The following PCSK5 variants were observed in gnomAD, a reference collection of about 807,000 sequenced individuals.
PCSK5 encodes the protein proprotein convertase subtilisin/kexin type 5, also known as prohormone convertase 5.
A neutral mutation model predicts 233.2 loss-of-function variants in PCSK5; 129 were observed. That is an observed-to-expected ratio of 0.55 (90% CI 0.48 to 0.64). PCSK5 has a LOEUF of 0.64. Ranked by LOEUF, PCSK5 falls within the 30% of genes least tolerant of loss-of-function variation. The probability of loss-of-function intolerance (pLI) is 0.00; values close to 1 mark genes in which losing one functional copy is unlikely to be tolerated. For synonymous variants in PCSK5, 825 were observed against 879.2 expected, an observed-to-expected ratio of 0.94 and a Z score of 1.09; for missense variants, 2,076 against 2,430.1, an observed-to-expected ratio of 0.85 and a Z score of 3.06.
intron 3 of PCSK5, among the ~76,000 whole-genome samples, chr9:76,020,944 T>A (rs1409276847): frequency 6.6e-6 from 1 of 152,122 alleles, no homozygotes; most frequent in Non-Finnish European, 1.5e-5. Context: ...CCTGTCAAGG[T>A]TGCTTTGTGT....
chr9:76,273,564 A>AATATATATAT lies in PCSK5; in HGVS notation c.3143-18667_3143-18658dup, dbSNP rs1336491411. 7.0e-3 allele frequency among the ~76,000 whole-genome samples: 525 copies of AATATATATAT among 74,776 alleles called. 12 individuals are homozygous for AATATATATAT. The highest frequency in any genetic ancestry group is 0.011 in the African/African-American group (214 of 19,756). 49.1% of individuals were successfully genotyped at this position (74,776 alleles called of 152,430 possible). On this transcript the variant is annotated intron_variant, in intron 24 of 37. Transcript: ENST00000674117. Reference sequence around the variant, plus strand: ...TCTTCTTATAGATTAACAAAATAGTAATATATATATACATATATATATATA... The same window carrying AATATATATAT: ...TCTTCTTATAGATTAACAAAATAGTAATATATATATATATATATATACATATATATATATA...
intron 20 of PCSK5, among the ~76,000 whole-genome samples, chr9:76,202,370 A>G (rs952825513): frequency 6.6e-6 from 1 of 152,096 alleles, no homozygotes; most frequent in Non-Finnish European, 1.5e-5. Context: ...CTTCATCTTC[A>G]TCTCCTATTC....
intron 2 of PCSK5, among the ~76,000 whole-genome samples, chr9:75,942,071 A>G (rs1824332191): frequency 6.6e-6 from 1 of 152,344 alleles, no homozygotes; most frequent in South Asian, 2.1e-4. Context: ...AGTGCAGGTA[A>G]CATGAGTGAG....
At chr9:76,156,897 T>C (rs868070590) in intron 10 of PCSK5, 148 bp from the exon 11 acceptor site, 3 of 655,302 alleles carry the variant, frequency 4.6e-6, no homozygotes, top group African/African-American at 1.8e-5. Context: ...GACATGACTA[T>C]GTATTTGTTT....
At position 76,327,994 on chromosome 9, in the gene PCSK5, C is replaced by T. The variant is rs116791532; in HGVS notation, c.4340-15C>T. Reference sequence around the variant, plus strand: ...GCTCTCGCTCACTCTGTCTGCTGCCCCTCCACGCCCACAGATTGCCACAAG... The same window carrying T: ...GCTCTCGCTCACTCTGTCTGCTGCCTCTCCACGCCCACAGATTGCCACAAG... On this transcript the variant is annotated splice_polypyrimidine_tract_variant and intron_variant, in intron 32 of 37. Transcript: ENST00000674117. 864 of 1,556,306 alleles carry T rather than the reference C, an allele frequency of 5.6e-4. 4 individuals are homozygous for T. In the African/African-American group the frequency reaches 0.01, roughly 18 times the overall value.
chr9:76,077,023 G>A (rs1352638840), intron 7 of PCSK5, among the ~76,000 whole-genome samples: 1 of 152,106 alleles, frequency 6.6e-6, no homozygotes, highest in African/African-American at 2.4e-5. Context: ...CAAAAGATAG[G>A]TACTGTTTTT....
chr9:76,263,449 T>TA (rs1358122413), intron 24 of PCSK5, among the ~76,000 whole-genome samples: 4 of 152,086 alleles, frequency 2.6e-5, no homozygotes, highest in African/African-American at 2.4e-5. Flanking sequence ...TATAAAGCCA[T>TA]AAAAAATGAC....
chr9:76,107,721 G>C (rs1400447757), intron 9 of PCSK5, among the ~76,000 whole-genome samples: 2 of 152,160 alleles, frequency 1.3e-5, no homozygotes, highest in African/African-American at 2.4e-5. Flanking sequence ...TCTGAAGCAT[G>C]ACTAGGCAGC....
chr9:76,125,538 C>T (rs1218516772), intron 9 of PCSK5, among the ~76,000 whole-genome samples: 2 of 152,200 alleles, frequency 1.3e-5, no homozygotes, highest in African/African-American at 4.8e-5. Context: ...GTATTTGTCT[C>T]ACAGGACTGT....
At position 76,205,336 on chromosome 9, in the gene PCSK5, C is replaced by A; in HGVS notation, c.2626+15590C>A. 3 of 477,726 alleles carry A rather than the reference C, an allele frequency of 6.3e-6. No individual in the cohort carries two copies. In the Admixed American group the frequency reaches 6.6e-5, roughly 10 times the overall value. The allele number at this position is 477,726 out of a possible 1,614,324, so 29.6% of individuals were successfully genotyped here. ...CACAGAACACAGCGTGAGGAGGTGG[C>A]GAGACATTCGCAGACCATAGAGGGC... On this transcript the variant is annotated intron_variant, in intron 20 of 37. Transcript: ENST00000674117.
Position 76,308,676 on chromosome 9 carries a change from T to G in PCSK5, c.3636T>G (p.Ser1212=). The change falls in exon 29 of 38, where the codon TCT becomes TCG. Residue 1212 remains serine (S), a synonymous_variant. Coordinates refer to ENST00000674117, the MANE Select transcript of PCSK5 (RefSeq NM_001372043.1). ...DILRKLQPCH[S]SCKTCNGSAT... ...TGAGAAAACTCCAGCCTTGTCATTC[T>G]TCTTGTAAAACCTGCAATGGATCTG... 2 of 1,610,220 alleles carry G rather than the reference T, an allele frequency of 1.2e-6. No individual in the cohort carries two copies. The highest frequency in any genetic ancestry group is 1.7e-6 in the Non-Finnish European group (2 of 1,177,488).
intron 17 of PCSK5, 26 bp from the exon 18 acceptor site, chr9:76,188,552 T>G (rs2131237509): frequency 1.3e-6 from 2 of 1,522,564 alleles, no homozygotes. Context: ...ACAGTCTGTT[T>G]GAAGCTCCCT....
intron 2 of PCSK5, among the ~76,000 whole-genome samples, chr9:75,980,553 G>C (rs1826229234): frequency 2.0e-5 from 3 of 152,160 alleles, no homozygotes; most frequent in Admixed American, 2.0e-4. Context: ...CAAAAGTAAG[G>C]CTTTATTTGG....
At chr9:75,906,225 AG>A (rs897092326) in intron 1 of PCSK5, among the ~76,000 whole-genome samples, 9 of 152,206 alleles carry the variant, frequency 5.9e-5, no homozygotes, top group African/African-American at 2.2e-4. Flanking sequence ...ACACTTGAGC[AG>A]ATACCTATTT....
chr9:76,004,135 C>T (rs1827379278), intron 3 of PCSK5, among the ~76,000 whole-genome samples: 1 of 152,076 alleles, frequency 6.6e-6, no homozygotes, highest in African/African-American at 2.4e-5. Flanking sequence ...AGAAGAGCTC[C>T]TCTGCCTTAT....
At chr9:75,920,275 C>G (rs1267220458) in intron 1 of PCSK5, among the ~76,000 whole-genome samples, 1 of 152,138 alleles carries the variant, frequency 6.6e-6, no homozygotes, top group Admixed American at 6.5e-5. Flanking sequence ...CCAAGCTAGT[C>G]TCTATCACAT....
At chr9:75,977,618 C>A (rs1826081373) in intron 2 of PCSK5, among the ~76,000 whole-genome samples, 1 of 143,818 alleles carries the variant, frequency 7.0e-6, no homozygotes, top group African/African-American at 2.5e-5. Context: ...GAGTGGGTTT[C>A]TTTTTTTTTT....
At chr9:76,173,766 A>G (rs1823447571) in intron 13 of PCSK5, among the ~76,000 whole-genome samples, 1 of 151,770 alleles carries the variant, frequency 6.6e-6, no homozygotes, top group South Asian at 2.1e-4. Flanking sequence ...TGAGGTCAGG[A>G]GTTCAAGACC....
intron 5 of PCSK5, among the ~76,000 whole-genome samples, chr9:76,045,530 G>A (rs1010723845): frequency 6.6e-6 from 1 of 152,136 alleles, no homozygotes; most frequent in Non-Finnish European, 1.5e-5. Flanking sequence ...AGAGGGAGAG[G>A]AAAAGAAAAG....
Sources: gnomAD v4.1 joint callset for allele counts (sites outside exome capture counted in the v4.1 genomes callset) on GRCh38, gnomAD v4.1.1 for gene constraint, MANE v1.5 for transcripts, NCBI Gene and HGNC (gene_info 2026-07-23, HGNC 2026-07-21) for gene names.